The following FCN1 variants were observed in gnomAD, a reference collection of about 807,000 sequenced individuals.
The protein encoded by FCN1 is ficolin 1.
FCN1 carries 42 observed loss-of-function variants against 35.6 expected under a neutral mutation model. The ratio of observed to expected loss-of-function variants is 1.18; its 90% CI spans 0.92 to 1.53. The LOEUF is 1.53. Among genes scored for constraint, FCN1 ranks in the 40% most tolerant of loss-of-function variants. The pLI, the probability that FCN1 is intolerant of heterozygous loss-of-function variation, is 0.00. For missense variants in FCN1, 439 were observed against 428.4 expected, an observed-to-expected ratio of 1.02 and a Z score of -0.22; for synonymous variants, 179 against 169.8, an observed-to-expected ratio of 1.05 and a Z score of -0.42.
chr9:134,910,679 G>C (rs1831012178), intron 8 of FCN1, among the ~76,000 whole-genome samples: 1 of 152,176 alleles, frequency 6.6e-6, no homozygotes, highest in South Asian at 2.1e-4. Context: ...ACTTCCAGCT[G>C]CAGCAATTCT....
At chr9:134,914,856 A>G in intron 2 of FCN1, 47 bp from the exon 3 acceptor site, 1 of 1,462,502 alleles carries the variant, frequency 6.8e-7, no homozygotes, top group Non-Finnish European at 9.5e-7. Context: ...AACCTAAACA[A>G]TTCTCCCTGG....
Position 134,904,506 on chromosome 9 carries a change from C to T in FCN1, c.*5292G>A, listed in dbSNP as rs542326510. Among the ~76,000 whole-genome samples the T allele has an allele frequency of 1.3e-3, 195 of 152,296 alleles. No individual in the cohort carries two copies. The highest frequency in any genetic ancestry group is 4.4e-3 in the African/African-American group (183 of 41,570). ...ATCAAAAAATATATGAGGCTGGGCA[C>T]GGTGTCTCACATCTGTAATCCTAGC... On this transcript the variant is annotated 3_prime_UTR_variant, in exon 9 of 9. Transcript: ENST00000371806.
chr9:134,916,352 C>G lies in FCN1; in HGVS notation c.213G>C (p.Glu71Asp), dbSNP rs760643111. The G allele has an allele frequency of 4.3e-6, 7 of 1,613,536 alleles. No homozygotes were observed. In the South Asian group the frequency reaches 6.6e-5, roughly 15 times the overall value. Reference sequence around the variant, plus strand: ...CCCCACCCGGCCCGCACCTACCTCTCTCTCCAATGACACCTGCCTCTCCCT... The same window carrying G: ...CCCCACCCGGCCCGCACCTACCTCTGTCTCCAATGACACCTGCCTCTCCCT... The part of the protein sequence containing the change: ...GPKGEAGVIG[E>D]RGERGLPGAP... The change falls in exon 2 of 9, where the codon GAG becomes GAC. Residue 71 changes from glutamate (E) to aspartate (D), a missense_variant. By Grantham distance (45) the Glu-to-Asp change is conservative. Coordinates refer to ENST00000371806, the MANE Select transcript of FCN1 (RefSeq NM_002003.5).
In FCN1 at chr9:134,904,878, G is replaced by T. The variant is rs944707133; in HGVS notation, c.*4920C>A. 6.6e-6 allele frequency among the ~76,000 whole-genome samples: 1 copy of T among 151,856 alleles called. No individual in the cohort carries two copies. Among genetic ancestry groups the T allele is most frequent in the Non-Finnish European group, 1.5e-5 (1 of 67,986 alleles). The stretch of plus-strand genomic sequence containing the variant: ...AATAATAATAATAAAATAGAAGAAG[G>T]AATAAAGGGCAACATAAAGTGTAAA... On this transcript the variant is annotated 3_prime_UTR_variant, in exon 9 of 9. Coordinates refer to ENST00000371806, the MANE Select transcript of FCN1 (RefSeq NM_002003.5).
At chr9:134,914,894 T>G in intron 2 of FCN1, 85 bp from the exon 3 acceptor site, 1 of 1,043,160 alleles carries the variant, frequency 9.6e-7, no homozygotes, top group Non-Finnish European at 1.5e-6. Flanking sequence ...GGTTAAGTCC[T>G]GACCCTCCCC....
intron 2 of FCN1, 64 bp from the exon 3 acceptor site, chr9:134,914,873 T>C: frequency 6.6e-6 from 9 of 1,360,388 alleles, no homozygotes; most frequent in Non-Finnish European, 9.3e-6. Context: ...CTGGAAATCT[T>C]TGCCCCAAGT....
intron 1 of FCN1, among the ~76,000 whole-genome samples, 162 bp from the exon 2 acceptor site, chr9:134,916,623 C>T (rs1831096269): frequency 6.6e-6 from 1 of 152,222 alleles, no homozygotes; most frequent in Non-Finnish European, 1.5e-5. Flanking sequence ...CCACCCCGAC[C>T]TAGGGGAGCC....
rs375573892 is a variant in FCN1, at chr9:134,909,506, A to G, written c.*292T>C. 1.8e-3 allele frequency: 2,419 copies of G among 1,344,240 alleles called. 3 individuals are homozygous for G. Among genetic ancestry groups the G allele is most frequent in the Non-Finnish European group, 2.1e-3 (2,163 of 1,024,656 alleles). The allele number at this position is 1,344,240 out of a possible 1,614,324, so 83.3% of individuals were successfully genotyped here. Reference sequence around the variant, plus strand: ...CTTCCCGACTTACCAAATTCCAGGGAAAGACCTGCCGTGCAACAGACACAG... The same window carrying G: ...CTTCCCGACTTACCAAATTCCAGGGGAAGACCTGCCGTGCAACAGACACAG... On this transcript the variant is annotated 3_prime_UTR_variant, in exon 9 of 9. Transcript: ENST00000371806.
rs1564215612 is a variant in FCN1, at chr9:134,905,919, T to TCTTCTTCTTCTTCTC, written c.*3878_*3879insGAGAAGAAGAAGAAG. The TCTTCTTCTTCTTCTC allele has an allele frequency of 1.4e-5, 1 of 71,192 alleles. No individual in the cohort carries two copies. Among genetic ancestry groups the TCTTCTTCTTCTTCTC allele is most frequent in the Non-Finnish European group, 2.3e-5 (1 of 43,384 alleles). The allele number at this position is 71,192 out of a possible 1,614,324, so 4.4% of individuals were successfully genotyped here. ...TTCTTCTTCTTCTTCTTCTTCTTCT[T>TCTTCTTCTTCTTCTC]CTTCTCCCTCTCCCTCTCCCTCTCC... On this transcript the variant is annotated 3_prime_UTR_variant, in exon 9 of 9. Coordinates refer to ENST00000371806, the MANE Select transcript of FCN1 (RefSeq NM_002003.5).
In FCN1 at chr9:134,905,910, TCTTCTTCTTCTTCTCCCTCTCCCTCTC is replaced by T. The variant is rs1830949364; in HGVS notation, c.*3861_*3887del. ...TTCTTCTTCTTCTTCTTCTTCTTCT[TCTTCTTCTTCTTCTCCCTCTCCCTCTC>T]CCTCTCCCTCTCCCTCTCCCTCTCC... On this transcript the variant is annotated 3_prime_UTR_variant, in exon 9 of 9. Transcript: ENST00000371806. The T allele has an allele frequency of 9.0e-6, 1 of 111,360 alleles. No individual in the cohort carries two copies. Among genetic ancestry groups the T allele is most frequent in the Non-Finnish European group, 1.7e-5 (1 of 60,512 alleles). The allele number at this position is 111,360 out of a possible 1,614,324, so 6.9% of individuals were successfully genotyped here.
At chr9:134,912,728 T>A in intron 6 of FCN1, 113 bp from the exon 7 acceptor site, 1 of 1,418,596 alleles carries the variant, frequency 7.0e-7, no homozygotes, top group South Asian at 1.2e-5. Flanking sequence ...CACAGGCCGG[T>A]GCCACACGCA....
Position 134,911,221 on chromosome 9 carries a change from G to A in FCN1, c.645C>T (p.His215=). The A allele has an allele frequency of 1.2e-6, 2 of 1,612,660 alleles. No individual in the cohort carries two copies. Among genetic ancestry groups the A allele is most frequent in the Non-Finnish European group, 1.7e-6 (2 of 1,179,466 alleles). The change falls in exon 8 of 9, where the codon CAC becomes CAT. Residue 215 remains histidine, a synonymous_variant. Transcript: ENST00000371806. The part of the protein sequence containing the change: ...RVDLVDFEGN[H]QFAKYKSFKV... ...TGAATGATTTGTACTTAGCAAACTG[G>A]TGGTTGCCCTCAAAGTCCACCAGGT...
intron 2 of FCN1, among the ~76,000 whole-genome samples, chr9:134,915,124 G>A (rs1180616675): frequency 1.3e-5 from 2 of 152,188 alleles, no homozygotes; most frequent in Non-Finnish European, 2.9e-5. Context: ...CACCCACACA[G>A]AGCTCTACTG....
rs755053481 is a variant in FCN1, at chr9:134,909,701, G to T, written c.*97C>A. The T allele has an allele frequency of 6.3e-7, 1 of 1,596,486 alleles. No individual in the cohort carries two copies. Among genetic ancestry groups the T allele is most frequent in the Non-Finnish European group, 8.5e-7 (1 of 1,177,718 alleles). On this transcript the variant is annotated 3_prime_UTR_variant, in exon 9 of 9. Transcript: ENST00000371806. ...AGGGGCAGCTGTGGGCGTCATGGGAGTGTGTCTGGCTGGGGAAATGGGGTG... is the reference window on the plus strand; with the variant it reads ...AGGGGCAGCTGTGGGCGTCATGGGATTGTGTCTGGCTGGGGAAATGGGGTG...
At chr9:134,917,530 G>C (rs908162797) in intron 1 of FCN1, among the ~76,000 whole-genome samples, 20 of 152,252 alleles carry the variant, frequency 1.3e-4, no homozygotes, top group Middle Eastern at 3.4e-3. Context: ...AAGCTCCAAT[G>C]GGCAAATCCT....
In FCN1 at chr9:134,909,848, C is replaced by A. The variant is rs1830999068; in HGVS notation, c.931G>T (p.Gly311Trp). 2 of 1,613,936 alleles carry A rather than the reference C, an allele frequency of 1.2e-6. No individual in the cohort carries two copies. The highest frequency in any genetic ancestry group is 1.3e-5 in the African/African-American group (1 of 74,876). The stretch of plus-strand genomic sequence containing the variant: ...GACACCTTGTAGCTATATTTGTACC[C>A]CTTCGCCGCACTCCAGTTGATACCA... Reference protein sequence around the residue: ...ANGINWSAAKGYKYSYKVSEM... With the variant: ...ANGINWSAAKWYKYSYKVSEM... The change falls in exon 9 of 9, where the codon GGG becomes TGG. Residue 311 changes from glycine to tryptophan, a missense_variant. Coordinates refer to ENST00000371806, the MANE Select transcript of FCN1 (RefSeq NM_002003.5).
At position 134,917,766 on chromosome 9, in the gene FCN1, C is replaced by T. The variant is rs139385211; in HGVS notation, c.103+3G>A. 2.2e-5 allele frequency: 36 copies of T among 1,604,996 alleles called. No individual in the cohort carries two copies. In the African/African-American group the frequency reaches 4.0e-4, roughly 18 times the overall value. On this transcript the variant is annotated splice_donor_region_variant and intron_variant, in intron 1 of 8. Transcript: ENST00000371806. ...GGGACCAGAAAACCCAGGTCTGTCT[C>T]ACCTGGACATGTGTCCGCAGCCTGG...
intron 6 of FCN1, 76 bp from the exon 7 acceptor site, chr9:134,912,691 G>T (rs951945790): frequency 6.3e-6 from 10 of 1,595,728 alleles, no homozygotes; most frequent in Non-Finnish European, 7.7e-6. Context: ...CCCTCCAGAG[G>T]AGCAGCATTT....
Position 134,912,766 on chromosome 9 carries a change from AC to A in FCN1, c.469-152del, listed in dbSNP as rs1223761004. ...CCCATCTGGTCTCCTCACAGACTCC[AC>A]AGGATGAAAGAGGAAATGCGGTCTC... On this transcript the variant is annotated intron_variant, in intron 6 of 8. Coordinates refer to ENST00000371806, the MANE Select transcript of FCN1 (RefSeq NM_002003.5). 339 of 1,208,644 alleles carry A rather than the reference AC, an allele frequency of 2.8e-4. 2 individuals are homozygous for A. In the Middle Eastern group the frequency reaches 3.2e-3, roughly 11 times the overall value. The allele number at this position is 1,208,644 out of a possible 1,614,324, so 74.9% of individuals were successfully genotyped here.
Sources: allele counts gnomAD v4.1 joint callset (sites outside exome capture counted in the v4.1 genomes callset), GRCh38; gene constraint gnomAD v4.1.1; transcripts MANE v1.5; gene names NCBI Gene and HGNC (gene_info 2026-07-23, HGNC 2026-07-21).